The following RARB variants were observed in gnomAD, a reference collection of about 807,000 sequenced individuals.
RARB encodes retinoic acid receptor beta.
Under a neutral mutation model 51.9 loss-of-function variants are expected in RARB, and 17 were observed. The ratio of observed to expected loss-of-function variants is 0.33; its 90% confidence interval spans 0.22 to 0.49. RARB has a LOEUF of 0.49. Ranked by LOEUF, RARB falls within the 20% of genes least tolerant of loss-of-function variation. RARB has a pLI of 0.99. For missense variants in RARB, 369 were observed against 550.8 expected (o/e 0.67, Z 3.30); for synonymous variants, 215 against 195.4 (o/e 1.10, Z -0.84).
chr3:25,354,467 G>A (rs56835742), intron 5 of RARB, among the ~76,000 whole-genome samples: 5,375 of 152,110 alleles, frequency 0.035, 353 homozygotes, highest in African/African-American at 0.12. Context: ...AGAAGTGTAC[G>A]CTACTCATTT....
At chr3:25,463,488 C>A (rs943761126) in intron 2 of RARB, among the ~76,000 whole-genome samples, 1 of 151,992 alleles carries the variant, frequency 6.6e-6, no homozygotes, top group Non-Finnish European at 1.5e-5. Flanking sequence ...AATGGTGAAA[C>A]CCCATCTCTA....
chr3:25,204,689 A>T (rs141143598), intron 5 of RARB, among the ~76,000 whole-genome samples: 14,335 of 152,086 alleles, frequency 0.094, 786 homozygotes, highest in Non-Finnish European at 0.12. Context: ...CTGGAGGTTC[A>T]CTCCAGACCC....
chr3:25,358,667 T>G (rs898938763), intron 5 of RARB, among the ~76,000 whole-genome samples: 1 of 152,216 alleles, frequency 6.6e-6, no homozygotes, highest in Non-Finnish European at 1.5e-5. Context: ...ATACCTAGTT[T>G]ATTGAATGTT....
rs759589176 is a variant in RARB, at chr3:25,007,592, C to CAAAAAAAA, written c.-379-52528_-379-52521dup. Among the ~76,000 whole-genome samples, 58 of 45,308 alleles carry CAAAAAAAA rather than the reference C, an allele frequency of 1.3e-3. 4 individuals carry two copies. Among genetic ancestry groups the CAAAAAAAA allele is most frequent in the Admixed American group, 1.3e-3 (4 of 3,058 alleles). The allele number at this position is 45,308 out of a possible 152,430, so 29.7% of individuals were successfully genotyped here. On this transcript the variant is annotated intron_variant, in intron 2 of 11. Transcript: ENST00000383772. ...CCTGGGCAACAGAGTGAGACTGTCT[C>CAAAAAAAA]AAAAAAAAAAAACAAAAAAACCTCA...
intron 2 of RARB, among the ~76,000 whole-genome samples, chr3:24,953,225 C>T (rs74847507): frequency 0.02 from 3,033 of 152,158 alleles, 60 homozygotes; most frequent in Middle Eastern, 0.065. Flanking sequence ...GAGTAATTCA[C>T]TCCCTAGAAC....
intron 5 of RARB, among the ~76,000 whole-genome samples, chr3:25,244,938 C>G (rs1378294883): frequency 6.6e-6 from 1 of 152,166 alleles, no homozygotes; most frequent in Admixed American, 6.5e-5. Context: ...GTGTGGGAGT[C>G]AAAGTCTCTT....
At chr3:24,869,655 C>G (rs1702910691) in intron 2 of RARB, among the ~76,000 whole-genome samples, 1 of 152,096 alleles carries the variant, frequency 6.6e-6, no homozygotes, top group South Asian at 2.1e-4. Flanking sequence ...CTGCATAATA[C>G]TTCATCATAC....
At chr3:24,843,352 A>T (rs564925912) in intron 1 of RARB, among the ~76,000 whole-genome samples, 32 of 152,278 alleles carry the variant, frequency 2.1e-4, no homozygotes, top group African/African-American at 7.0e-4. Context: ...GGGAGACTTA[A>T]TTTCAGATCT....
chr3:25,000,721 GT>G (rs1241183921), intron 2 of RARB, among the ~76,000 whole-genome samples: 1 of 152,066 alleles, frequency 6.6e-6, no homozygotes, highest in Non-Finnish European at 1.5e-5. Context: ...TTCTAAGAAT[GT>G]TCCCTCTAAG....
intron 2 of RARB, among the ~76,000 whole-genome samples, chr3:24,889,420 G>GT (rs1300334407): frequency 1.3e-5 from 2 of 152,062 alleles, no homozygotes; most frequent in Non-Finnish European, 2.9e-5. Context: ...CAGTGTTTAC[G>GT]TTTTTTATTA....
At chr3:25,301,743 T>TG (rs1704043822) in intron 5 of RARB, among the ~76,000 whole-genome samples, 1 of 152,142 alleles carries the variant, frequency 6.6e-6, no homozygotes, top group South Asian at 2.1e-4. Context: ...CTGAGGCTCT[T>TG]GCGGTGGCAG....
chr3:24,934,198 G>A (rs370734437), intron 2 of RARB, among the ~76,000 whole-genome samples: 5 of 152,048 alleles, frequency 3.3e-5, no homozygotes, highest in African/African-American at 7.2e-5. Context: ...GGAGGGAACC[G>A]GCAAAGACAT....
At chr3:25,359,515 A>G (rs1705860706) in intron 5 of RARB, among the ~76,000 whole-genome samples, 1 of 151,948 alleles carries the variant, frequency 6.6e-6, no homozygotes, top group Admixed American at 6.6e-5. Context: ...GTCTTCTGCT[A>G]GCTTTTGAAT....
chr3:25,099,915 C>T (rs1678787976), intron 3 of RARB, among the ~76,000 whole-genome samples: 1 of 152,160 alleles, frequency 6.6e-6, no homozygotes, highest in South Asian at 2.1e-4. Flanking sequence ...TTCGTAAATG[C>T]TTTTCCTTAT....
intron 2 of RARB, among the ~76,000 whole-genome samples, chr3:24,897,615 T>C (rs1703504859): frequency 6.6e-6 from 1 of 152,214 alleles, no homozygotes; most frequent in South Asian, 2.1e-4. Flanking sequence ...TAATACTTGA[T>C]ACAATGATAA....
At chr3:24,971,024 A>G (rs539708972) in intron 2 of RARB, among the ~76,000 whole-genome samples, 2 of 151,978 alleles carry the variant, frequency 1.3e-5, no homozygotes, top group African/African-American at 4.8e-5. Context: ...TCGTTCTAGT[A>G]TTCCAATGTA....
intron 2 of RARB, among the ~76,000 whole-genome samples, chr3:24,893,690 T>C (rs1703429534): frequency 1.3e-5 from 2 of 152,032 alleles, no homozygotes. Flanking sequence ...ACTGATTTTT[T>C]TTTTTTTTTA....
chr3:25,112,655 G>A (rs960549394), intron 3 of RARB, among the ~76,000 whole-genome samples: 1 of 152,108 alleles, frequency 6.6e-6, no homozygotes, highest in Non-Finnish European at 1.5e-5. Context: ...CTACACACCT[G>A]TGGTCCCAGC....
At chr3:25,426,001 C>G (rs1269805892), upstream of RARB, among the ~76,000 whole-genome samples, 1 of 152,150 alleles carries the variant, frequency 6.6e-6, no homozygotes, top group Non-Finnish European at 1.5e-5. Flanking sequence ...ATAGCTGTTT[C>G]CTCTTCTCTT....
Sources: gnomAD v4.1 joint callset for allele counts (sites outside exome capture counted in the v4.1 genomes callset) on GRCh38, gnomAD v4.1.1 for gene constraint, MANE v1.5 for transcripts, NCBI Gene and HGNC (gene_info 2026-07-23, HGNC 2026-07-21) for gene names.